Variants in MCM3AP observed in about 807,000 individuals in gnomAD.
MCM3AP encodes the protein minichromosome maintenance complex component 3 associated protein, also known as germinal-center associated nuclear protein.
Under a neutral mutation model 184.1 loss-of-function variants are expected in MCM3AP, and 126 were observed. That is an observed-to-expected ratio of 0.68 (90% CI 0.59 to 0.79). The LOEUF (loss-of-function observed/expected upper bound fraction) is 0.79, where lower values mean the gene tolerates loss of function less well. Among genes scored for constraint, MCM3AP ranks in the 30% least tolerant of loss-of-function variants. The pLI, the probability that MCM3AP is intolerant of heterozygous loss-of-function variation, is 0.00. For missense variants in MCM3AP, 2,496 were observed against 2,479.2 expected (o/e 1.01, Z -0.14); for synonymous variants, 1,002 against 979.3 (o/e 1.02, Z -0.43).
chr21:46,284,688 CTACTTGT>C lies in MCM3AP; in HGVS notation c.592_598del (p.Thr198ValfsTer32). 1.2e-6 allele frequency: 2 copies of C among 1,614,080 alleles called. No homozygotes were observed. Among genetic ancestry groups the C allele is most frequent in the South Asian group, 2.2e-5 (2 of 91,082 alleles). On this transcript the variant is annotated frameshift_variant, in exon 1 of 28. Transcript: ENST00000291688. LOFTEE classifies it high-confidence loss of function. ...GGTAAAATTTGAAGTGGTAGCTGAA[CTACTTGT>C]TACTTGAGGAAAAGAGAAAGGGGCC...
At chr21:46,245,367 T>C (rs571481524) in intron 22 of MCM3AP, among the ~76,000 whole-genome samples, 170 bp from the exon 23 acceptor site, 7 of 152,284 alleles carry the variant, frequency 4.6e-5, no homozygotes, top group African/African-American at 1.7e-4. Context: ...GAGTTTAGCC[T>C]TCTAGGGCTC....
Position 46,260,823 on chromosome 21 carries a change from A to G in MCM3AP, c.3551T>C (p.Phe1184Ser). ...VELMERVMME[F>S]VRETCSQELK... is the part of the protein sequence containing the mutation. ...CTCCTGGGAGCAGGTTTCCCTCACA[A>G]ACTCCATCATCACGCGTTCCATCAG... Residue 1184 changes from phenylalanine (F) to serine (S), a missense_variant, in exon 15 of 28, where the codon TTT becomes TCT. Physicochemically the swap from Phe to Ser is radical, Grantham distance 155. This residue lies in a region of MCM3AP where 1,323 missense variants were observed against 1,273.4 expected (regional missense o/e 1.04). Transcript: ENST00000291688. The G allele has an allele frequency of 6.2e-7, 1 of 1,613,944 alleles. No individual in the cohort carries two copies. The highest frequency in any genetic ancestry group is 8.5e-7 in the Non-Finnish European group (1 of 1,179,880).
chr21:46,262,541 G>A (rs17182906), intron 13 of MCM3AP, among the ~76,000 whole-genome samples: 6,959 of 152,154 alleles, frequency 0.046, 374 homozygotes, highest in African/African-American at 0.13. Flanking sequence ...CTAGCTACTT[G>A]GGAGGCTGAG....
intron 20 of MCM3AP, among the ~76,000 whole-genome samples, chr21:46,247,876 A>T (rs2080802001): frequency 6.6e-6 from 1 of 151,856 alleles, no homozygotes; most frequent in South Asian, 2.1e-4. Flanking sequence ...AAGGCAGGAG[A>T]ACTGTTTGAG....
rs2080865613 is a variant in MCM3AP, at chr21:46,251,390, C to CG, written c.4290+138_4290+139insC. 1.7e-5 allele frequency: 11 copies of CG among 658,042 alleles called. No homozygotes were observed. In the South Asian group the frequency reaches 3.3e-4, roughly 20 times the overall value. 40.8% of individuals were successfully genotyped at this position (658,042 alleles called of 1,614,324 possible). A position where few individuals can be genotyped will look rare whatever the true frequency, so the allele number is the denominator to read the frequency against. On this transcript the variant is annotated intron_variant, in intron 20 of 27. Coordinates refer to ENST00000291688, the MANE Select transcript of MCM3AP (RefSeq NM_003906.5). Reference sequence around the variant, plus strand: ...TTTTTAAACGACATGTACGGACAGACATAATACTTGCTTCTGAGCCTCCCA... The same window carrying CG: ...TTTTTAAACGACATGTACGGACAGACGATAATACTTGCTTCTGAGCCTCCCA...
At chr21:46,258,104 G>A (rs2080985047) in intron 16 of MCM3AP, among the ~76,000 whole-genome samples, 2 of 152,072 alleles carry the variant, frequency 1.3e-5, no homozygotes. Flanking sequence ...AGCAAAGCAG[G>A]GATCATGAGC....
At chr21:46,264,363 G>A (rs1475323273) in intron 12 of MCM3AP, 146 bp from the exon 13 acceptor site, 11 of 603,644 alleles carry the variant, frequency 1.8e-5, no homozygotes, top group Middle Eastern at 4.5e-4. Context: ...TTGCAGGAAA[G>A]GTGTCCCCTA....
intron 26 of MCM3AP, among the ~76,000 whole-genome samples, chr21:46,239,956 A>G (rs569086104): frequency 6.6e-6 from 1 of 152,254 alleles, no homozygotes; most frequent in South Asian, 2.1e-4. Flanking sequence ...CATGGGAAAG[A>G]AGGCTGAAGA....
At position 46,243,470 on chromosome 21, in the gene MCM3AP, G is replaced by A; in HGVS notation, c.5291C>T (p.Thr1764Ile). ...TTGCATCAAGCTCTAATTACCTGAT[G>A]TAACAGGAAGCCGGGGGGGCGTCCA... ...RDWTPPRLPV[T>I]SEALSEDGQI... Residue 1764 changes from threonine (T) to isoleucine (I), a missense_variant, in exon 24 of 28, where the codon ACA (threonine) becomes ATA (isoleucine). Physicochemically the swap from Thr to Ile is moderately conservative, Grantham distance 89 (BLOSUM62 -1). This residue lies in a region of MCM3AP where 1,323 missense variants were observed against 1,273.4 expected (regional missense o/e 1.04). Coordinates refer to ENST00000291688, the MANE Select transcript of MCM3AP (RefSeq NM_003906.5). 6.2e-7 allele frequency: 1 copy of A among 1,607,480 alleles called. No homozygotes were observed. The highest frequency in any genetic ancestry group is 8.5e-7 in the Non-Finnish European group (1 of 1,176,230).
intron 2 of MCM3AP, among the ~76,000 whole-genome samples, chr21:46,281,252 A>G (rs2081328535): frequency 1.3e-5 from 2 of 152,244 alleles, no homozygotes; most frequent in Non-Finnish European, 1.5e-5. Flanking sequence ...GAGCTGCAGA[A>G]TAACACACAT....
chr21:46,236,955 C>T lies in MCM3AP; in HGVS notation c.5658G>A (p.Trp1886Ter). 1 of 1,547,028 alleles carries T rather than the reference C, an allele frequency of 6.5e-7. No individual in the cohort carries two copies. Among genetic ancestry groups the T allele is most frequent in the Non-Finnish European group, 8.7e-7 (1 of 1,155,000 alleles). Residue 1886 changes from tryptophan (W) to a stop codon, truncating the protein, a stop_gained, in exon 27 of 28, where the codon TGG becomes TGA. Coordinates refer to ENST00000291688, the MANE Select transcript of MCM3AP (RefSeq NM_003906.5). LOFTEE classifies it high-confidence loss of function. ...TAAATGCTCCTGAGTCTTCAGACAACCATTGCTGAAGCTGATCTTCAAACC... is the reference window on the plus strand; with the variant it reads ...TAAATGCTCCTGAGTCTTCAGACAATCATTGCTGAAGCTGATCTTCAAACC... The part of the protein sequence containing the change: ...NKRFEDQLQQ[W>*]LSEDSGAFTD...
In MCM3AP at chr21:46,243,413, G is replaced by A. The variant is rs1319284714; in HGVS notation, c.5296+52C>T. On this transcript the variant is annotated intron_variant, in intron 24 of 27. Coordinates refer to ENST00000291688, the MANE Select transcript of MCM3AP (RefSeq NM_003906.5). The stretch of plus-strand genomic sequence containing the variant: ...TAAACATCTTCCTTTGCAGAAACTG[G>A]ACCAGGAAAGTCTCGTGAGGAGCTG... The A allele has an allele frequency of 3.3e-6, 5 of 1,534,578 alleles. No individual in the cohort carries two copies. In the African/African-American group the frequency reaches 6.9e-5, roughly 21 times the overall value.
Position 46,285,355 on chromosome 21 carries a change from C to T in MCM3AP, c.-69G>A, listed in dbSNP as rs2145733126. 1 of 1,029,992 alleles carries T rather than the reference C, an allele frequency of 9.7e-7. No homozygotes were observed. Among genetic ancestry groups the T allele is most frequent in the South Asian group, 1.4e-5 (1 of 69,966 alleles). The allele number at this position is 1,029,992 out of a possible 1,614,324, so 63.8% of individuals were successfully genotyped here. A position where few individuals can be genotyped will look rare whatever the true frequency, so the allele number is the denominator to read the frequency against. ...AAAATTAATTGGCTTCCTGAAACAGCCTGTAGCACTAGGGAGTTCCCCTTC... is the reference window on the plus strand; with the variant it reads ...AAAATTAATTGGCTTCCTGAAACAGTCTGTAGCACTAGGGAGTTCCCCTTC... On this transcript the variant is annotated 5_prime_UTR_variant, in exon 1 of 28. Transcript: ENST00000291688.
intron 17 of MCM3AP, among the ~76,000 whole-genome samples, chr21:46,256,053 G>C (rs553335860): frequency 8.5e-5 from 13 of 152,342 alleles, no homozygotes; most frequent in African/African-American, 3.1e-4. Flanking sequence ...ACCAGGAGGA[G>C]GACAAGACAT....
rs2080540788 is a variant in MCM3AP at position 46,236,957 on chromosome 21, A to G, written c.5656T>C (p.Trp1886Arg). 1.3e-6 allele frequency: 2 copies of G among 1,547,490 alleles called. No individual in the cohort carries two copies. The highest frequency in any genetic ancestry group is 1.7e-6 in the Non-Finnish European group (2 of 1,155,478). ...AATGCTCCTGAGTCTTCAGACAACC[A>G]TTGCTGAAGCTGATCTTCAAACCTG... The part of the protein sequence containing the change: ...NKRFEDQLQQ[W>R]LSEDSGAFTD... The change falls in exon 27 of 28, where the codon TGG becomes CGG. Residue 1886 changes from tryptophan (W) to arginine (R), a missense_variant. By Grantham distance (101) the Trp-to-Arg change is moderately radical. This residue lies in a region of MCM3AP where 1,323 missense variants were observed against 1,273.4 expected (regional missense o/e 1.04). Transcript: ENST00000291688.
intron 4 of MCM3AP, 22 bp downstream of exon 4, chr21:46,279,971 C>A: frequency 6.2e-7 from 1 of 1,604,472 alleles, no homozygotes; most frequent in South Asian, 1.1e-5. Context: ...GGAATAAGGT[C>A]ATTAGGAGGG....
At position 46,254,466 on chromosome 21, in the gene MCM3AP, C is replaced by A. The variant is rs1479633352; in HGVS notation, c.4062G>T (p.Arg1354Ser). The A allele has an allele frequency of 1.9e-6, 3 of 1,614,046 alleles. No individual in the cohort carries two copies. In the African/African-American group the frequency reaches 4.0e-5, roughly 22 times the overall value. ...CCAGCTTCCAAAACACATGCTCCTGCCTCCCAGGGAGGTGCTCAGCCACGA... is the reference window on the plus strand; with the variant it reads ...CCAGCTTCCAAAACACATGCTCCTGACTCCCAGGGAGGTGCTCAGCCACGA... ...PSLVAEHLPG[R>S]QEHVFWKLVL... Residue 1354 changes from arginine (R) to serine (S), a missense_variant, in exon 19 of 28, where the codon AGG (arginine) becomes AGT (serine). Physicochemically the swap from Arg to Ser is moderately radical, Grantham distance 110 (BLOSUM62 -1). This residue lies in a region of MCM3AP where 1,323 missense variants were observed against 1,273.4 expected (regional missense o/e 1.04). Transcript: ENST00000291688.
intron 14 of MCM3AP, 142 bp from the exon 15 acceptor site, chr21:46,261,048 A>G (rs1280105000): frequency 1.2e-5 from 10 of 815,644 alleles, no homozygotes; most frequent in African/African-American, 1.7e-5. Context: ...CTCCCCTGAC[A>G]CCACCTCCCT....
At position 46,243,386 on chromosome 21, in the gene MCM3AP, A is replaced by G. The variant is rs143716413; in HGVS notation, c.5296+79T>C. The G allele has an allele frequency of 5.3e-4, 787 of 1,489,596 alleles. 1 individual carries two copies. Among genetic ancestry groups the G allele is most frequent in the Non-Finnish European group, 6.4e-4 (709 of 1,109,248 alleles). The allele number at this position is 1,489,596 out of a possible 1,614,324, so 92.3% of individuals were successfully genotyped here. ...ACCCAAAAGAAAAGCAGCAACATCAACTAAACATCTTCCTTTGCAGAAACT... is the reference window on the plus strand; with the variant it reads ...ACCCAAAAGAAAAGCAGCAACATCAGCTAAACATCTTCCTTTGCAGAAACT... On this transcript the variant is annotated intron_variant, in intron 24 of 27. Transcript: ENST00000291688.
Sources: allele counts gnomAD v4.1 joint callset (sites outside exome capture counted in the v4.1 genomes callset), GRCh38; gene constraint gnomAD v4.1.1; regional missense constraint gnomAD v4.1.1; transcripts MANE v1.5; gene names NCBI Gene and HGNC (gene_info 2026-07-23, HGNC 2026-07-21).